The following DGKB variants were observed in gnomAD, a reference collection of about 807,000 sequenced individuals.
DGKB encodes 90 kDa diacylglycerol kinase.
DGKB carries 67 observed loss-of-function variants against 114.3 expected under a neutral mutation model. That is an observed-to-expected ratio of 0.59 (90% CI 0.48 to 0.72). The LOEUF (loss-of-function observed/expected upper bound fraction) is 0.72, where lower values mean the gene tolerates loss of function less well. DGKB is among the 30% of genes least tolerant of loss of function. The pLI, the probability that DGKB is intolerant of heterozygous loss-of-function variation, is 0.00. For missense variants in DGKB, 907 were observed against 975.2 expected, an observed-to-expected ratio of 0.93 and a Z score of 0.93; for synonymous variants, 398 against 323.1, an observed-to-expected ratio of 1.23 and a Z score of -2.49.
At chr7:14,476,269 A>G (rs1782158576) in intron 21 of DGKB, among the ~76,000 whole-genome samples, 1 of 151,794 alleles carries the variant, frequency 6.6e-6, no homozygotes, top group African/African-American at 2.4e-5. Context: ...TTTCCAGGAT[A>G]TTTGAGGTGT....
intron 23 of DGKB, among the ~76,000 whole-genome samples, chr7:14,324,782 A>C (rs777175828): frequency 1.3e-5 from 2 of 152,164 alleles, no homozygotes; most frequent in Non-Finnish European, 2.9e-5. Flanking sequence ...ATACATATTC[A>C]AAGTCCTGAG....
At chr7:14,852,490 A>AAAAAAAAAAACAAACAAAC (rs1554304291) in intron 1 of DGKB, among the ~76,000 whole-genome samples, 5 of 149,432 alleles carry the variant, frequency 3.3e-5, no homozygotes, top group African/African-American at 1.2e-4. Context: ...TGAAAGTCAA[A>AAAAAAAAAAACAAACAAAC]AAAAAAACAG....
At chr7:14,840,548 G>C (rs1469986911) in intron 2 of DGKB, among the ~76,000 whole-genome samples, 2 of 152,094 alleles carry the variant, frequency 1.3e-5, no homozygotes, top group African/African-American at 4.8e-5. Context: ...AACTTACAGT[G>C]AAGTGAATGA....
intron 21 of DGKB, among the ~76,000 whole-genome samples, chr7:14,388,260 T>G (rs1023222150): frequency 2.1e-5 from 2 of 97,096 alleles, no homozygotes; most frequent in Admixed American, 1.1e-4. Context: ...TGAAATAATG[T>G]GAAGCCAAAA....
chr7:14,966,121 T>C (rs868597807), intron 1 of DGKB, among the ~76,000 whole-genome samples: 1 of 152,112 alleles, frequency 6.6e-6, no homozygotes, highest in South Asian at 2.1e-4. Context: ...GTTGAAGTTT[T>C]TTCATCCATA....
At chr7:14,967,726 C>T (rs1175106004) in intron 1 of DGKB, among the ~76,000 whole-genome samples, 1 of 140,364 alleles carries the variant, frequency 7.1e-6, no homozygotes, top group African/African-American at 2.6e-5. Context: ...TAATTTTATA[C>T]ATATTTTTCT....
chr7:14,651,064 A>C (rs949539506), intron 13 of DGKB, among the ~76,000 whole-genome samples: 4 of 152,200 alleles, frequency 2.6e-5, no homozygotes, highest in African/African-American at 9.7e-5. Context: ...ATTCTACCAG[A>C]GGTACAAGGA....
At chr7:14,376,688 G>A (rs1290164911) in intron 21 of DGKB, among the ~76,000 whole-genome samples, 1 of 152,074 alleles carries the variant, frequency 6.6e-6, no homozygotes, top group Non-Finnish European at 1.5e-5. Flanking sequence ...ACTCCCCCCA[G>A]CCCCTTCAGT....
At chr7:14,700,929 T>C (rs1288420296) in intron 7 of DGKB, among the ~76,000 whole-genome samples, 1 of 152,158 alleles carries the variant, frequency 6.6e-6, no homozygotes, top group African/African-American at 2.4e-5. Flanking sequence ...GCAAAATATG[T>C]TACCAAACAT....
At chr7:14,426,194 A>G (rs961308375) in intron 21 of DGKB, among the ~76,000 whole-genome samples, 1 of 152,136 alleles carries the variant, frequency 6.6e-6, no homozygotes, top group Non-Finnish European at 1.5e-5. Context: ...CAGATTACCT[A>G]CAGGCCTGGA....
intron 21 of DGKB, among the ~76,000 whole-genome samples, chr7:14,417,546 GAGA>G (rs1323257253): frequency 2.0e-5 from 3 of 151,904 alleles, no homozygotes; most frequent in Non-Finnish European, 4.4e-5. Flanking sequence ...AACCTCAACA[GAGA>G]AGTTTGATAA....
chr7:14,246,833 C>A (rs554767950), intron 23 of DGKB, among the ~76,000 whole-genome samples: 25 of 152,246 alleles, frequency 1.6e-4, no homozygotes, highest in African/African-American at 6.0e-4. Context: ...GATCTATTCT[C>A]AGCAAATTTG....
rs895880219 is a variant in DGKB, at chr7:14,510,069, G to C, written c.1771-31844C>G. Among the ~76,000 whole-genome samples the C allele has an allele frequency of 2.0e-5, 3 of 152,082 alleles. No homozygotes were observed. The South Asian group carries it at 6.2e-4, about 31-fold the overall frequency. ...CGGGCGCCTGTAGTCCCAGCTACTC[G>C]GGAGGCTGAGGCGGGGATCTTGTCT... On this transcript the variant is annotated intron_variant, in intron 20 of 25. Transcript: ENST00000402815.
At chr7:14,805,647 A>T (rs17168451) in intron 2 of DGKB, among the ~76,000 whole-genome samples, 4 of 151,892 alleles carry the variant, frequency 2.6e-5, no homozygotes, top group Admixed American at 6.6e-5. Flanking sequence ...TCCATGGAGA[A>T]GTCTATCTTA....
At chr7:14,837,848 C>A (rs146108399) in intron 2 of DGKB, among the ~76,000 whole-genome samples, 1 of 152,270 alleles carries the variant, frequency 6.6e-6, no homozygotes, top group Non-Finnish European at 1.5e-5. Flanking sequence ...TCATGATATT[C>A]TTTGCTTCCT....
chr7:14,681,968 A>G (rs1820911590), intron 12 of DGKB, among the ~76,000 whole-genome samples: 1 of 152,104 alleles, frequency 6.6e-6, no homozygotes, highest in South Asian at 2.1e-4. Context: ...GAAGCGTAAG[A>G]TGAATTTTTA....
chr7:14,277,986 C>T (rs1437275750), intron 23 of DGKB, among the ~76,000 whole-genome samples: 7 of 152,188 alleles, frequency 4.6e-5, no homozygotes, highest in Non-Finnish European at 1.0e-4. Flanking sequence ...AGGTATCTCA[C>T]AGTGGTCTTA....
At chr7:14,922,731 T>C (rs944948009) in intron 1 of DGKB, among the ~76,000 whole-genome samples, 2 of 152,130 alleles carry the variant, frequency 1.3e-5, no homozygotes, top group African/African-American at 4.8e-5. Context: ...TCTTATGAAA[T>C]TGACCAATAA....
chr7:14,933,002 G>A (rs1317373145), intron 1 of DGKB, among the ~76,000 whole-genome samples: 1 of 152,162 alleles, frequency 6.6e-6, no homozygotes, highest in Admixed American at 6.5e-5. Flanking sequence ...GGCAAGAATA[G>A]TTTCCTATCT....
Sources: allele counts gnomAD v4.1 joint callset (sites outside exome capture counted in the v4.1 genomes callset), GRCh38; gene constraint gnomAD v4.1.1; transcripts MANE v1.5; gene names NCBI Gene and HGNC (gene_info 2026-07-23, HGNC 2026-07-21).